The following ANO2 variants were observed in gnomAD, a reference collection of about 807,000 sequenced individuals.
The protein encoded by ANO2 is anoctamin-2.
A neutral mutation model predicts 124.2 loss-of-function variants in ANO2; 101 were observed. That is an observed-to-expected ratio of 0.81 (90% CI 0.69 to 0.96). ANO2 has a LOEUF of 0.96. ANO2 is among the 40% of genes least tolerant of loss of function. The probability of loss-of-function intolerance (pLI) is 0.00; values close to 1 mark genes in which losing one functional copy is unlikely to be tolerated. For synonymous variants in ANO2, 486 were observed against 482.5 expected (o/e 1.01, Z -0.09); for missense variants, 1,293 against 1,274.5 (o/e 1.01, Z -0.22).
intron 16 of ANO2, among the ~76,000 whole-genome samples, chr12:5,622,580 G>T (rs1346513013): frequency 6.6e-6 from 1 of 152,172 alleles, no homozygotes; most frequent in East Asian, 1.9e-4. Flanking sequence ...GGCAAGGAGG[G>T]ATGCCACAGC....
At chr12:5,919,398 A>G (rs7135477) in intron 3 of ANO2, among the ~76,000 whole-genome samples, 2,315 of 116,354 alleles carry the variant, frequency 0.02, 22 homozygotes, top group African/African-American at 0.027. Flanking sequence ...AAAGGGCAAT[A>G]GCACAAAGAC....
intron 6 of ANO2, among the ~76,000 whole-genome samples, chr12:5,830,108 C>G (rs892939663): frequency 2.6e-5 from 4 of 152,122 alleles, no homozygotes; most frequent in African/African-American, 9.7e-5. Flanking sequence ...CTTCTCAGAG[C>G]CTCAGTTTCC....
chr12:5,664,723 T>C lies in ANO2; in HGVS notation c.1546-16922A>G, dbSNP rs1165213750. The stretch of plus-strand genomic sequence containing the variant: ...GTTTCAACACTCAAGCAGGGTTCTG[T>C]TCTCCCCCATACTGAAAAACAGAAA... On this transcript the variant is annotated intron_variant, in intron 14 of 24. Transcript: ENST00000682330. Among the ~76,000 whole-genome samples the C allele has an allele frequency of 2.0e-5, 3 of 152,306 alleles. No homozygotes were observed. The East Asian group carries it at 5.8e-4, about 29-fold the overall frequency.
chr12:5,868,196 G>C (rs1222078815), intron 3 of ANO2, among the ~76,000 whole-genome samples: 2 of 151,864 alleles, frequency 1.3e-5, no homozygotes, highest in Non-Finnish European at 2.9e-5. Context: ...CATGTACTAG[G>C]TACCCACAAA....
chr12:5,865,095 T>TC (rs1340056796), intron 3 of ANO2, among the ~76,000 whole-genome samples: 1 of 152,054 alleles, frequency 6.6e-6, no homozygotes, highest in South Asian at 2.1e-4. Context: ...TTAACTCCCC[T>TC]CCCCCACAAG....
At chr12:5,782,726 C>G (rs1952436884) in intron 10 of ANO2, among the ~76,000 whole-genome samples, 1 of 152,104 alleles carries the variant, frequency 6.6e-6, no homozygotes, top group Non-Finnish European at 1.5e-5. Context: ...TGCTTTAACC[C>G]AAAGGTCACA....
rs202214559 is a variant in ANO2 at position 5,575,901 on chromosome 12, C to A, written c.2554G>T (p.Val852Phe). 3.1e-6 allele frequency: 5 copies of A among 1,613,642 alleles called. No individual in the cohort carries two copies. The highest frequency in any genetic ancestry group is 2.7e-5 in the African/African-American group (2 of 74,890). The change falls in exon 23 of 25, where the codon GTC becomes TTC. Residue 852 changes from valine to phenylalanine, a missense_variant. Val to Phe is a conservative substitution (Grantham distance 50, BLOSUM62 -1). Transcript: ENST00000682330. ...TGCGTCCCCTCCTTCAGCTGGCTGA[C>A]GTTGAAAAAGGAGAGGGTGTGGTTG... ...FVNHTLSFFNVSQLKEGTQPE... is the reference protein window; with the variant it reads ...FVNHTLSFFNFSQLKEGTQPE...
In ANO2 at chr12:5,635,599, T is replaced by TCACACACACACA. The variant is rs60128304; in HGVS notation, c.1621-264_1621-253dup. Among the ~76,000 whole-genome samples, 2,551 of 146,864 alleles carry TCACACACACACA rather than the reference T, an allele frequency of 0.017. 62 individuals are homozygous for TCACACACACACA. The highest frequency in any genetic ancestry group is 0.059 in the African/African-American group (2,329 of 39,532). Reference sequence around the variant, plus strand: ...TTTTTGTCAGATTCCAAATGATTTATCACACACACACACACACACACACAC... The same window carrying TCACACACACACA: ...TTTTTGTCAGATTCCAAATGATTTATCACACACACACACACACACACACACACACACACACAC... On this transcript the variant is annotated intron_variant, in intron 15 of 24. Coordinates refer to ENST00000682330, the MANE Select transcript of ANO2 (RefSeq NM_001364791.2). This position sits in a 1 kb window ranked among gnomAD's most constrained non-coding sequence, Gnocchi z 5.2.
chr12:5,838,720 T>C (rs1003590017), intron 4 of ANO2, among the ~76,000 whole-genome samples: 1 of 152,186 alleles, frequency 6.6e-6, no homozygotes. Flanking sequence ...TGTGGATGAA[T>C]ACCCGCCTCA....
chr12:5,796,105 G>A (rs1008590495), intron 10 of ANO2, among the ~76,000 whole-genome samples: 7 of 151,928 alleles, frequency 4.6e-5, no homozygotes, highest in African/African-American at 1.7e-4. Context: ...TACCTCTCTA[G>A]GGAACTTTCC....
At chr12:5,625,618 C>T (rs1278294057) in intron 16 of ANO2, among the ~76,000 whole-genome samples, 1 of 152,132 alleles carries the variant, frequency 6.6e-6, no homozygotes, top group African/African-American at 2.4e-5. Flanking sequence ...ACCCAAAACC[C>T]CCAAACCCCA....
intron 3 of ANO2, among the ~76,000 whole-genome samples, chr12:5,915,437 A>C (rs1015117785): frequency 6.6e-6 from 1 of 150,966 alleles, no homozygotes; most frequent in African/African-American, 2.4e-5. Flanking sequence ...GGTATCAAGG[A>C]GGGTGGGAAG....
chr12:5,634,022 C>T lies in ANO2; in HGVS notation c.1816+1130G>A, dbSNP rs147769528. On this transcript the variant is annotated intron_variant, in intron 16 of 24. Coordinates refer to ENST00000682330, the MANE Select transcript of ANO2 (RefSeq NM_001364791.2). ...TCCCCAGGAGTGTTGGATGTTCTTC[C>T]GAAGTGCTTCCATAGAATCCTGTCT... 4.7e-4 allele frequency among the ~76,000 whole-genome samples: 71 copies of T among 152,252 alleles called. 2 individuals carry two copies. In the East Asian group the frequency reaches 9.3e-3, roughly 20 times the overall value.
rs1415246149 is a variant in ANO2, at chr12:5,573,048, A to T, written c.2621+2786T>A. ...TGGGCATTGGTTGTTTTGGCTGAGT[A>T]GCACCCATTTGCCTTATTTCTCACC... On this transcript the variant is annotated intron_variant, in intron 23 of 24. Transcript: ENST00000682330. 2.0e-5 allele frequency among the ~76,000 whole-genome samples: 3 copies of T among 152,188 alleles called. No individual in the cohort carries two copies. The East Asian group carries it at 5.8e-4, about 29-fold the overall frequency.
At chr12:5,901,104 G>T (rs1185421913) in intron 3 of ANO2, among the ~76,000 whole-genome samples, 1 of 152,164 alleles carries the variant, frequency 6.6e-6, no homozygotes, top group Non-Finnish European at 1.5e-5. Context: ...AGGCTGCAGC[G>T]GTGGCTGCAA....
chr12:5,730,708 G>C (rs562865937), intron 14 of ANO2, among the ~76,000 whole-genome samples: 1 of 152,162 alleles, frequency 6.6e-6, no homozygotes, highest in Non-Finnish European at 1.5e-5. Flanking sequence ...TCCCACCTAT[G>C]GCTGGATTTG....
At chr12:5,667,495 G>A (rs1181162748) in intron 14 of ANO2, among the ~76,000 whole-genome samples, 1 of 151,650 alleles carries the variant, frequency 6.6e-6, no homozygotes, top group Non-Finnish European at 1.5e-5. Flanking sequence ...AAATTGCCAT[G>A]GTTCCAGGGT....
intron 14 of ANO2, among the ~76,000 whole-genome samples, chr12:5,695,303 C>T (rs955179229): frequency 8.9e-5 from 12 of 134,694 alleles, no homozygotes; most frequent in Non-Finnish European, 1.6e-4. Flanking sequence ...TGATATGGAA[C>T]GACTGACTCA....
intron 16 of ANO2, among the ~76,000 whole-genome samples, chr12:5,634,630 G>A (rs965020091): frequency 6.6e-6 from 1 of 152,160 alleles, no homozygotes; most frequent in African/African-American, 2.4e-5. Context: ...TGAAGCGTGG[G>A]AAGTCTGATA....
Sources: gnomAD v4.1 joint callset for allele counts (sites outside exome capture counted in the v4.1 genomes callset) on GRCh38, gnomAD v4.1.1 for gene constraint, Gnocchi (gnomAD v3.1) non-coding constraint, MANE v1.5 for transcripts, NCBI Gene and HGNC (gene_info 2026-07-23, HGNC 2026-07-21) for gene names.